CTNNA3: variants seen among roughly 807,000 people sequenced by gnomAD.
CTNNA3 encodes catenin alpha 3.
A neutral mutation model predicts 95.7 loss-of-function variants in CTNNA3; 76 were observed. The ratio of observed to expected loss-of-function variants is 0.79; its 90% CI spans 0.66 to 0.96. CTNNA3 has a LOEUF of 0.96. CTNNA3 is among the 40% of genes least tolerant of loss of function. The pLI is 0.00. For synonymous variants in CTNNA3, 431 were observed against 374.4 expected (o/e 1.15, Z -1.74); for missense variants, 1,191 against 1,089.8 (o/e 1.09, Z -1.31).
At chr10:67,342,808 T>C (rs573005135) in intron 5 of CTNNA3, among the ~76,000 whole-genome samples, 16 of 152,370 alleles carry the variant, frequency 1.1e-4, no homozygotes, top group African/African-American at 3.8e-4. Flanking sequence ...TGTGTCTGTT[T>C]TTATGCCAGT....
intron 11 of CTNNA3, among the ~76,000 whole-genome samples, chr10:66,441,219 T>C (rs1183923047): frequency 7.4e-6 from 1 of 134,922 alleles, no homozygotes; most frequent in East Asian, 3.8e-4. Context: ...CACTAATGGT[T>C]GCTTTTCTGA....
In CTNNA3 at chr10:66,520,600, A is replaced by G. The variant is rs1344827446; in HGVS notation, c.1531+17T>C. The G allele has an allele frequency of 6.3e-7, 1 of 1,585,300 alleles. No homozygotes were observed. The highest frequency in any genetic ancestry group is 1.4e-5 in the African/African-American group (1 of 73,220). On this transcript the variant is annotated intron_variant, in intron 11 of 17. Coordinates refer to ENST00000433211, the MANE Select transcript of CTNNA3 (RefSeq NM_013266.4). ...TTGACAAGAGAAAATAAACAAATTA[A>G]AAGAATAAAAACATACCAGATACAG...
chr10:67,592,787 A>G (rs1255674451), intron 3 of CTNNA3, among the ~76,000 whole-genome samples: 2 of 152,188 alleles, frequency 1.3e-5, no homozygotes, highest in Non-Finnish European at 2.9e-5. Context: ...CAGACAAAAT[A>G]TATAAACCAA....
chr10:67,136,987 A>G (rs1490931841), intron 7 of CTNNA3, among the ~76,000 whole-genome samples: 1 of 152,164 alleles, frequency 6.6e-6, no homozygotes, highest in Non-Finnish European at 1.5e-5. Flanking sequence ...ACTCCAACCT[A>G]AACTCCAACA....
intron 5 of CTNNA3, among the ~76,000 whole-genome samples, chr10:67,277,023 A>G (rs896256466): frequency 6.6e-6 from 1 of 152,152 alleles, no homozygotes; most frequent in African/African-American, 2.4e-5. Context: ...TTTTCTAATC[A>G]AACTTCTAAG....
At chr10:66,640,225 A>C (rs1490008141) in intron 9 of CTNNA3, among the ~76,000 whole-genome samples, 1 of 152,040 alleles carries the variant, frequency 6.6e-6, no homozygotes, top group Non-Finnish European at 1.5e-5. Flanking sequence ...TCTCCTCTTC[A>C]TATTGGATAC....
At chr10:66,033,883 T>C (rs942865349) in intron 15 of CTNNA3, among the ~76,000 whole-genome samples, 1 of 152,216 alleles carries the variant, frequency 6.6e-6, no homozygotes, top group Non-Finnish European at 1.5e-5. Flanking sequence ...TGCAATATGT[T>C]GGCAAAGCCT....
chr10:66,034,183 T>C (rs2079512165), intron 15 of CTNNA3, among the ~76,000 whole-genome samples: 1 of 122,414 alleles, frequency 8.2e-6, no homozygotes, highest in Admixed American at 9.9e-5. Context: ...AAAGTACTCA[T>C]ACTATTTATA....
rs576989666 is a variant in CTNNA3, at chr10:66,683,509, T to C, written c.1282-61725A>G. Reference sequence around the variant, plus strand: ...ACTGGGAACAGTGGGCCAGCATGTATTATGGAGAAGCAATGCTTCAGTAGT... The same window carrying C: ...ACTGGGAACAGTGGGCCAGCATGTACTATGGAGAAGCAATGCTTCAGTAGT... On this transcript the variant is annotated intron_variant, in intron 9 of 17. Transcript: ENST00000433211. Among the ~76,000 whole-genome samples, 4 of 152,298 alleles carry C rather than the reference T, an allele frequency of 2.6e-5. No individual in the cohort carries two copies. The East Asian group carries it at 7.7e-4, about 29-fold the overall frequency.
intron 9 of CTNNA3, among the ~76,000 whole-genome samples, chr10:66,725,738 G>A (rs1401416334): frequency 6.6e-6 from 1 of 152,022 alleles, no homozygotes; most frequent in South Asian, 2.1e-4. Context: ...ATCTGGTTTT[G>A]GATGCATGAA....
At chr10:67,194,578 C>T (rs998885598) in intron 6 of CTNNA3, among the ~76,000 whole-genome samples, 1 of 150,958 alleles carries the variant, frequency 6.6e-6, no homozygotes, top group African/African-American at 2.4e-5. Flanking sequence ...GATGGAGGAA[C>T]AGGCAGAGAA....
At chr10:66,068,734 C>T (rs943738525) in intron 15 of CTNNA3, among the ~76,000 whole-genome samples, 9 of 152,116 alleles carry the variant, frequency 5.9e-5, no homozygotes, top group African/African-American at 9.7e-5. Context: ...GTAGGGCAGC[C>T]ACTATATATT....
At chr10:66,577,664 T>C (rs1407069020) in intron 10 of CTNNA3, among the ~76,000 whole-genome samples, 4 of 152,048 alleles carry the variant, frequency 2.6e-5, no homozygotes, top group African/African-American at 9.7e-5. Flanking sequence ...CAGGGTTCTC[T>C]AACCTGTTCT....
At chr10:65,925,142 C>A (rs1032682707) in intron 17 of CTNNA3, among the ~76,000 whole-genome samples, 1 of 152,172 alleles carries the variant, frequency 6.6e-6, no homozygotes, top group Non-Finnish European at 1.5e-5. Context: ...GAAAATGCAT[C>A]TGTGTGTTTT....
chr10:66,843,133 A>C (rs2132353741), intron 7 of CTNNA3, among the ~76,000 whole-genome samples: 1 of 152,302 alleles, frequency 6.6e-6, no homozygotes, highest in South Asian at 2.1e-4. Flanking sequence ...AGAGAAACAG[A>C]AAGCAAGGAA....
At chr10:67,390,966 A>C (rs1353880492) in intron 5 of CTNNA3, among the ~76,000 whole-genome samples, 1 of 152,178 alleles carries the variant, frequency 6.6e-6, no homozygotes, top group Non-Finnish European at 1.5e-5. Flanking sequence ...ATGGGCAAAA[A>C]CCAGAAGCAT....
At position 66,381,050 on chromosome 10, in the gene CTNNA3, G is replaced by A. The variant is rs190788036; in HGVS notation, c.1532-1698C>T. Reference sequence around the variant, plus strand: ...CCTGAACTCAGCTCTGCAACAAGCAGACCTAAGAGACATAATTTTTGAAAA... The same window carrying A: ...CCTGAACTCAGCTCTGCAACAAGCAAACCTAAGAGACATAATTTTTGAAAA... On this transcript the variant is annotated intron_variant, in intron 11 of 17. Transcript: ENST00000433211. Among the ~76,000 whole-genome samples, 138 of 152,218 alleles carry A rather than the reference G, an allele frequency of 9.1e-4. 1 individual carries two copies. Among genetic ancestry groups the A allele is most frequent in the African/African-American group, 3.0e-3 (124 of 41,530 alleles).
At chr10:67,243,422 T>C (rs1360512287) in intron 5 of CTNNA3, among the ~76,000 whole-genome samples, 1 of 152,190 alleles carries the variant, frequency 6.6e-6, no homozygotes, top group East Asian at 1.9e-4. Context: ...ACAAGGGAGA[T>C]GAGAGACTAC....
At chr10:67,344,092 G>C (rs906983648) in intron 5 of CTNNA3, among the ~76,000 whole-genome samples, 3 of 151,722 alleles carry the variant, frequency 2.0e-5, no homozygotes, top group African/African-American at 7.3e-5. Flanking sequence ...CAATTGAAAT[G>C]AATGTATGAT....
Sources: allele counts gnomAD v4.1 joint callset (sites outside exome capture counted in the v4.1 genomes callset), GRCh38; gene constraint gnomAD v4.1.1; transcripts MANE v1.5; gene names NCBI Gene and HGNC (gene_info 2026-07-23, HGNC 2026-07-21).